The following BLMH variants were observed in gnomAD, a reference collection of about 807,000 sequenced individuals.
The protein encoded by BLMH is BLM hydrolase.
Under a neutral mutation model 61.6 loss-of-function variants are expected in BLMH, and 32 were observed. That is an observed-to-expected ratio of 0.52 (90% confidence interval 0.39 to 0.70). BLMH has a LOEUF of 0.70. Among genes scored for constraint, BLMH ranks in the 30% least tolerant of loss-of-function variants. The pLI is 0.00. For synonymous variants in BLMH, 183 were observed against 193.8 expected (o/e 0.94, Z 0.46); for missense variants, 460 against 555.5 (o/e 0.83, Z 1.73).
chr17:30,271,458 AG>A, intron 9 of BLMH, 70 bp from the exon 10 acceptor site: 1 of 1,234,082 alleles, frequency 8.1e-7, no homozygotes, highest in South Asian at 1.2e-5. Context: ...TGGTTGTAAA[AG>A]GAATTCAGAA....
chr17:30,287,665 A>G (rs1567839905), intron 4 of BLMH, 141 bp downstream of exon 4: 1 of 939,746 alleles, frequency 1.1e-6, no homozygotes. Context: ...AATGTGAACT[A>G]AAGGTCCTTA....
chr17:30,253,386 GTC>G (rs1293544827), intron 11 of BLMH, among the ~76,000 whole-genome samples: 3 of 152,184 alleles, frequency 2.0e-5, no homozygotes, highest in Admixed American at 1.3e-4. Context: ...GCCTTGATTA[GTC>G]TCTCTCTTCA....
chr17:30,280,898 T>C (rs989860779), intron 6 of BLMH, among the ~76,000 whole-genome samples: 6 of 152,082 alleles, frequency 3.9e-5, no homozygotes, highest in Admixed American at 3.3e-4. Context: ...CAGCTCAACT[T>C]TGAAAAAAGT....
chr17:30,289,268 T>C, intron 3 of BLMH, 105 bp downstream of exon 3: 1 of 575,652 alleles, frequency 1.7e-6, no homozygotes, highest in Non-Finnish European at 2.8e-6. Context: ...GTGTCTCACC[T>C]ATTATGAAAG....
At chr17:30,287,263 G>T (rs1908759310) in intron 4 of BLMH, among the ~76,000 whole-genome samples, 1 of 152,150 alleles carries the variant, frequency 6.6e-6, no homozygotes. Context: ...CTGGGCTTGA[G>T]CAATCCTCCT....
intron 6 of BLMH, among the ~76,000 whole-genome samples, chr17:30,280,391 TAGTAC>T (rs1291385215): frequency 3.3e-5 from 5 of 152,206 alleles, no homozygotes; most frequent in Non-Finnish European, 5.9e-5. Flanking sequence ...TTTGAGAAAG[TAGTAC>T]AGTAAAGTCT....
At chr17:30,272,367 C>A in intron 9 of BLMH, 194 bp downstream of exon 9, 1 of 637,454 alleles carries the variant, frequency 1.6e-6, no homozygotes, top group Non-Finnish European at 2.8e-6. Flanking sequence ...ATTTTGATGT[C>A]CTGGGTTAGA....
At chr17:30,288,870 G>A (rs538332594) in intron 3 of BLMH, among the ~76,000 whole-genome samples, 3 of 152,272 alleles carry the variant, frequency 2.0e-5, no homozygotes, top group South Asian at 2.1e-4. Flanking sequence ...GGGAGGCTGA[G>A]TTGAGAGGAT....
chr17:30,272,648 G>A lies in BLMH; in HGVS notation c.961-20C>T. ...CACAGCCTAGAAACAGAAGAAAGAGGAAGAAAGTCAACATAAACCCCATCT... is the reference window on the plus strand; with the variant it reads ...CACAGCCTAGAAACAGAAGAAAGAGAAAGAAAGTCAACATAAACCCCATCT... On this transcript the variant is annotated intron_variant, in intron 8 of 11. Coordinates refer to ENST00000261714, the MANE Select transcript of BLMH (RefSeq NM_000386.4). The A allele has an allele frequency of 6.2e-7, 1 of 1,614,128 alleles. No individual in the cohort carries two copies. Among genetic ancestry groups the A allele is most frequent in the Non-Finnish European group, 8.5e-7 (1 of 1,180,020 alleles).
chr17:30,286,123 C>T (rs1908721607), intron 5 of BLMH, among the ~76,000 whole-genome samples: 1 of 152,118 alleles, frequency 6.6e-6, no homozygotes. Context: ...GGAGACACAC[C>T]TATAGTTGAT....
chr17:30,274,242 T>C (rs1908358316), intron 6 of BLMH, 45 bp from the exon 7 acceptor site: 2 of 1,578,826 alleles, frequency 1.3e-6, no homozygotes, highest in Non-Finnish European at 1.7e-6. Flanking sequence ...TAGGGGGAAA[T>C]GTTATTTTTT....
chr17:30,285,255 TA>T, intron 6 of BLMH, 132 bp downstream of exon 6: 1 of 656,550 alleles, frequency 1.5e-6, no homozygotes, highest in Non-Finnish European at 2.5e-6. Context: ...TTTTTCAGTG[TA>T]AAATAAGTAA....
chr17:30,286,709 T>C (rs539594025), intron 5 of BLMH, 105 bp downstream of exon 5: 18 of 724,438 alleles, frequency 2.5e-5, no homozygotes, highest in South Asian at 1.3e-4. Context: ...TTGGTAGTTA[T>C]CTTGTACACA....
intron 1 of BLMH, 72 bp from the exon 2 acceptor site, chr17:30,291,580 G>T: frequency 6.4e-7 from 1 of 1,566,230 alleles, no homozygotes; most frequent in Non-Finnish European, 8.7e-7. Flanking sequence ...CCCGCGTCCC[G>T]AATCTAACTT....
chr17:30,253,316 A>T (rs1055931212), intron 11 of BLMH, among the ~76,000 whole-genome samples: 1 of 152,226 alleles, frequency 6.6e-6, no homozygotes, highest in Admixed American at 6.5e-5. Flanking sequence ...TTAAGTCCTC[A>T]CAAATTAAAA....
At chr17:30,250,997 TATC>T in intron 11 of BLMH, among the ~76,000 whole-genome samples, 1 of 152,296 alleles carries the variant, frequency 6.6e-6, no homozygotes, top group Middle Eastern at 3.4e-3. Context: ...GAAAACCAAA[TATC>T]ATATGTTCTC....
At chr17:30,262,307 A>G (rs1436704217) in intron 11 of BLMH, among the ~76,000 whole-genome samples, 2 of 152,238 alleles carry the variant, frequency 1.3e-5, no homozygotes. Flanking sequence ...ACAAAGAAGT[A>G]AAGTTTCATA....
In BLMH at chr17:30,248,712, A is replaced by G. The variant is rs187648374; in HGVS notation, c.*305T>C. The G allele has an allele frequency of 3.5e-4, 105 of 299,532 alleles. 1 individual carries two copies. The Admixed American group carries it at 4.9e-3, about 14-fold the overall frequency. 18.6% of individuals were successfully genotyped at this position (299,532 alleles called of 1,614,324 possible). ...CGTCTTATTAAAACACAGACACAGAACCAAACTTTTTGACAGTTAAAGACA... is the reference window on the plus strand; with the variant it reads ...CGTCTTATTAAAACACAGACACAGAGCCAAACTTTTTGACAGTTAAAGACA... On this transcript the variant is annotated 3_prime_UTR_variant, in exon 12 of 12. Coordinates refer to ENST00000261714, the MANE Select transcript of BLMH (RefSeq NM_000386.4).
chr17:30,291,940 A>C lies in BLMH; in HGVS notation c.-121T>G. 8.7e-7 allele frequency: 1 copy of C among 1,151,808 alleles called. No homozygotes were observed. Among genetic ancestry groups the C allele is most frequent in the Non-Finnish European group, 1.1e-6 (1 of 896,292 alleles). The allele number at this position is 1,151,808 out of a possible 1,614,324, so 71.3% of individuals were successfully genotyped here. A position where few individuals can be genotyped will look rare whatever the true frequency, so the allele number is the denominator to read the frequency against. ...TGTCTCTCGCACCCGGAGCGCCGGA[A>C]AAAGGAAACCGGCTCGGCGGCGGCG... On this transcript the variant is annotated 5_prime_UTR_variant, in exon 1 of 12. Transcript: ENST00000261714.
Sources: gnomAD v4.1 joint callset for allele counts (sites outside exome capture counted in the v4.1 genomes callset) on GRCh38, gnomAD v4.1.1 for gene constraint, MANE v1.5 for transcripts, NCBI Gene and HGNC (gene_info 2026-07-23, HGNC 2026-07-21) for gene names.